PXDNL: variants seen among roughly 807,000 people sequenced by gnomAD.
PXDNL encodes probable oxidoreductase PXDNL.
A neutral mutation model predicts 150.8 loss-of-function variants in PXDNL; 145 were observed. The observed-to-expected ratio is 0.96, with a 90% confidence interval of 0.84 to 1.10. The LOEUF (loss-of-function observed/expected upper bound fraction) is 1.10. PXDNL is among the 50% of genes least tolerant of loss of function. PXDNL has a pLI of 0.00. For synonymous variants in PXDNL, 757 were observed against 725.7 expected (o/e 1.04, Z -0.69); for missense variants, 2,087 against 1,873.9 (o/e 1.11, Z -2.10).
intron 12 of PXDNL, chr8:51,436,020 T>C: frequency 1.9e-6 from 1 of 528,606 alleles, no homozygotes; most frequent in Non-Finnish European, 3.9e-6. Flanking sequence ...ATGGACCATC[T>C]GCTAAATTCC....
At chr8:51,700,913 A>G (rs1816246772) in intron 1 of PXDNL, among the ~76,000 whole-genome samples, 2 of 151,940 alleles carry the variant, frequency 1.3e-5, no homozygotes. Context: ...ATACATACAC[A>G]ATATACTCAT....
intron 1 of PXDNL, among the ~76,000 whole-genome samples, chr8:51,781,325 T>G (rs1298145595): frequency 6.7e-6 from 1 of 150,336 alleles, no homozygotes; most frequent in East Asian, 2.0e-4. Context: ...TGCATGCATG[T>G]GGCCTTGATT....
intron 4 of PXDNL, among the ~76,000 whole-genome samples, chr8:51,546,909 AGC>A (rs1812372130): frequency 2.6e-5 from 4 of 152,172 alleles, no homozygotes; most frequent in Non-Finnish European, 4.4e-5. Flanking sequence ...TGAATGAAGC[AGC>A]AGAGGCATTC....
At chr8:51,581,911 T>C (rs1813219940) in intron 3 of PXDNL, among the ~76,000 whole-genome samples, 3 of 152,286 alleles carry the variant, frequency 2.0e-5, no homozygotes, top group Admixed American at 2.0e-4. Flanking sequence ...GTTCAGATTT[T>C]CTATTTCTCC....
chr8:51,421,281 T>TA (rs1202877487), intron 14 of PXDNL, among the ~76,000 whole-genome samples: 1 of 152,234 alleles, frequency 6.6e-6, no homozygotes, highest in African/African-American at 2.4e-5. Flanking sequence ...ACAGGTCTCA[T>TA]AAATAGTTGA....
chr8:51,643,650 A>G (rs1814829929), intron 2 of PXDNL, among the ~76,000 whole-genome samples: 1 of 152,230 alleles, frequency 6.6e-6, no homozygotes, highest in South Asian at 2.1e-4. Context: ...CTTCACGTCT[A>G]AAACACCAAA....
chr8:51,472,982 C>G (rs1237266776), intron 7 of PXDNL, among the ~76,000 whole-genome samples: 1 of 151,974 alleles, frequency 6.6e-6, no homozygotes, highest in Non-Finnish European at 1.5e-5. Flanking sequence ...AAAACTCTTC[C>G]TTTTATAAGT....
chr8:51,445,965 C>T (rs35549900), intron 12 of PXDNL, among the ~76,000 whole-genome samples: 158 of 151,490 alleles, frequency 1.0e-3, no homozygotes, highest in Middle Eastern at 3.4e-3. Flanking sequence ...TTTTTCCCCC[C>T]CGTAGAACCT....
At chr8:51,443,610 A>G (rs1377282362) in intron 12 of PXDNL, among the ~76,000 whole-genome samples, 1 of 152,186 alleles carries the variant, frequency 6.6e-6, no homozygotes, top group East Asian at 1.9e-4. Flanking sequence ...ACAATTATAA[A>G]CTCATGGCAT....
chr8:51,407,631 T>TATA (rs1340280221), intron 17 of PXDNL, among the ~76,000 whole-genome samples: 2 of 152,314 alleles, frequency 1.3e-5, no homozygotes, highest in East Asian at 3.9e-4. Context: ...CGACCATGAA[T>TATA]TTAGAACTAC....
intron 4 of PXDNL, among the ~76,000 whole-genome samples, chr8:51,514,343 T>G (rs1336203591): frequency 6.6e-6 from 1 of 152,216 alleles, no homozygotes; most frequent in Admixed American, 6.5e-5. Context: ...ATTTCCAAAT[T>G]GCAATCCTTA....
At chr8:51,746,750 C>CT (rs1427037529) in intron 1 of PXDNL, among the ~76,000 whole-genome samples, 1 of 152,156 alleles carries the variant, frequency 6.6e-6, no homozygotes, top group East Asian at 1.9e-4. Context: ...GAGGCAAACT[C>CT]TCACTCTGTG....
At chr8:51,558,517 T>C (rs1812642941) in intron 3 of PXDNL, among the ~76,000 whole-genome samples, 1 of 152,110 alleles carries the variant, frequency 6.6e-6, no homozygotes, top group African/African-American at 2.4e-5. Context: ...ACAAACACTA[T>C]ACTTGGTTTT....
intron 4 of PXDNL, among the ~76,000 whole-genome samples, chr8:51,553,244 C>A (rs892147842): frequency 1.3e-5 from 2 of 152,148 alleles, no homozygotes; most frequent in African/African-American, 4.8e-5. Context: ...TGCAAGCTCT[C>A]CCAGGCTGAC....
At chr8:51,641,636 C>T (rs915148507) in intron 2 of PXDNL, among the ~76,000 whole-genome samples, 1 of 150,960 alleles carries the variant, frequency 6.6e-6, no homozygotes, top group Non-Finnish European at 1.5e-5. Context: ...CAGAGAAATG[C>T]AAATCAAAAC....
intron 4 of PXDNL, among the ~76,000 whole-genome samples, chr8:51,548,796 C>T (rs1812418800): frequency 6.6e-6 from 1 of 152,056 alleles, no homozygotes; most frequent in Non-Finnish European, 1.5e-5. Context: ...CAGGCAATAA[C>T]TAGCACAATA....
chr8:51,486,753 TATATATATATATATATATATATA>T (rs1563433290), intron 5 of PXDNL, among the ~76,000 whole-genome samples: 641 of 21,780 alleles, frequency 0.029, 8 homozygotes, highest in South Asian at 0.1. Flanking sequence ...AAAAAGTTTA[TATATATATATATATATATATATA>T]TATATATATA....
intron 12 of PXDNL, chr8:51,436,196 G>A (rs1809403523): frequency 1.9e-6 from 1 of 522,272 alleles, no homozygotes; most frequent in African/African-American, 1.9e-5. Context: ...CATCCCAAAA[G>A]CCAACCATTC....
intron 2 of PXDNL, among the ~76,000 whole-genome samples, chr8:51,611,502 G>A (rs1042815707): frequency 2.6e-5 from 4 of 152,194 alleles, no homozygotes; most frequent in Non-Finnish European, 2.9e-5. Flanking sequence ...TGTTTTCAAA[G>A]TTATGTGACA....
Sources: allele counts gnomAD v4.1 joint callset (sites outside exome capture counted in the v4.1 genomes callset), GRCh38; gene constraint gnomAD v4.1.1; transcripts MANE v1.5; gene names NCBI Gene and HGNC (gene_info 2026-07-23, HGNC 2026-07-21).